The following ADAMTS19 variants were observed in gnomAD, a reference collection of about 807,000 sequenced individuals.
The protein encoded by ADAMTS19 is A disintegrin and metalloproteinase with thrombospondin motifs 19.
In ADAMTS19, 93 loss-of-function variants were observed where a neutral mutation model predicts 153.3. That is an observed-to-expected ratio of 0.61 (90% CI 0.51 to 0.72). The LOEUF (loss-of-function observed/expected upper bound fraction) is 0.72. Ranked by LOEUF, ADAMTS19 falls within the 30% of genes least tolerant of loss-of-function variation. The pLI, the probability that ADAMTS19 is intolerant of heterozygous loss-of-function variation, is 0.00. For missense variants in ADAMTS19, 1,482 were observed against 1,552.1 expected (o/e 0.95, Z 0.76); for synonymous variants, 600 against 556.6 (o/e 1.08, Z -1.10).
intron 2 of ADAMTS19, among the ~76,000 whole-genome samples, chr5:129,506,935 C>G (rs767527115): frequency 1.3e-5 from 2 of 151,608 alleles, no homozygotes; most frequent in Non-Finnish European, 2.9e-5. Flanking sequence ...CCAAATAACC[C>G]TATGAAGTTG....
chr5:129,505,129 C>T (rs778690324), intron 2 of ADAMTS19, among the ~76,000 whole-genome samples: 8 of 152,036 alleles, frequency 5.3e-5, no homozygotes, highest in Non-Finnish European at 7.4e-5. Context: ...ATTCTCAATA[C>T]GTATTTGTTC....
chr5:129,632,238 GA>G (rs1752331310), intron 10 of ADAMTS19, among the ~76,000 whole-genome samples: 1 of 151,876 alleles, frequency 6.6e-6, no homozygotes, highest in South Asian at 2.1e-4. Context: ...CTATTTTTCT[GA>G]ATCTATTTAG....
rs780500437 is a variant in ADAMTS19, at chr5:129,596,572, GA to G, written c.1387del (p.Ser463ValfsTer18). ...PCDTVGIAYL[S>X]GMCSEKRKCI... ...TGTATTTTTTAGGTATAGCTTACTTGAGTGGAATGTGTAGTGAAAAGAGAAA... is the reference window on the plus strand; with the variant it reads ...TGTATTTTTTAGGTATAGCTTACTTGGTGGAATGTGTAGTGAAAAGAGAAA... On this transcript the variant is annotated frameshift_variant, in exon 8 of 23. Transcript: ENST00000274487. LOFTEE classifies it high-confidence loss of function. 6.2e-7 allele frequency: 1 copy of G among 1,602,674 alleles called. No individual in the cohort carries two copies. Among genetic ancestry groups the G allele is most frequent in the South Asian group, 1.1e-5 (1 of 89,104 alleles).
intron 16 of ADAMTS19, among the ~76,000 whole-genome samples, chr5:129,671,253 G>T (rs764843473): frequency 6.6e-6 from 1 of 152,132 alleles, no homozygotes; most frequent in Non-Finnish European, 1.5e-5. Context: ...CATTGAAGAA[G>T]TTGAACTGAT....
intron 21 of ADAMTS19, among the ~76,000 whole-genome samples, chr5:129,710,752 T>A (rs917457802): frequency 3.3e-5 from 5 of 152,170 alleles, no homozygotes; most frequent in Non-Finnish European, 7.4e-5. Context: ...GGACATTTCT[T>A]TCCACTGAAG....
intron 3 of ADAMTS19, among the ~76,000 whole-genome samples, chr5:129,520,975 T>C (rs1008611914): frequency 7.2e-5 from 11 of 152,260 alleles, no homozygotes; most frequent in Non-Finnish European, 1.5e-4. Flanking sequence ...AGATGGTCAC[T>C]GTAGTGATAT....
intron 6 of ADAMTS19, among the ~76,000 whole-genome samples, chr5:129,545,629 GA>G (rs201656716): frequency 0.023 from 3,534 of 150,904 alleles, 127 homozygotes; most frequent in African/African-American, 0.082. Context: ...AAAAACACAT[GA>G]AAAAATGCTC....
intron 2 of ADAMTS19, among the ~76,000 whole-genome samples, chr5:129,493,734 T>C (rs746493384): frequency 1.3e-5 from 2 of 152,168 alleles, no homozygotes; most frequent in Admixed American, 6.6e-5. Flanking sequence ...TGAATAGTTA[T>C]TAATTCCTTC....
intron 21 of ADAMTS19, among the ~76,000 whole-genome samples, chr5:129,721,431 A>C (rs1488946957): frequency 1.3e-5 from 2 of 152,126 alleles, no homozygotes; most frequent in East Asian, 3.9e-4. Flanking sequence ...GAAAAACTTT[A>C]ATTTCATCAG....
chr5:129,585,655 A>G (rs921526207), intron 7 of ADAMTS19, among the ~76,000 whole-genome samples: 2 of 152,002 alleles, frequency 1.3e-5, no homozygotes, highest in Admixed American at 6.6e-5. Flanking sequence ...CCGTGTTTCA[A>G]TTTGCAATGA....
In ADAMTS19 at chr5:129,703,735, G is replaced by GA. The variant is rs199733119; in HGVS notation, c.3160-495dup. Reference sequence around the variant, plus strand: ...CGACAGAATGAGACTCCATCTCAAAGAAAAAAAAATCTGAATTTTATTTTT... The same window carrying GA: ...CGACAGAATGAGACTCCATCTCAAAGAAAAAAAAAATCTGAATTTTATTTTT... On this transcript the variant is annotated intron_variant, in intron 20 of 22. Coordinates refer to ENST00000274487, the MANE Select transcript of ADAMTS19 (RefSeq NM_133638.6). Among the ~76,000 whole-genome samples the GA allele has an allele frequency of 5.8e-3, 881 of 150,970 alleles. 3 individuals carry two copies. The highest frequency in any genetic ancestry group is 9.1e-3 in the Non-Finnish European group (614 of 67,652).
intron 5 of ADAMTS19, 73 bp from the exon 6 acceptor site, chr5:129,528,447 A>G (rs746678497): frequency 3.0e-5 from 36 of 1,192,662 alleles, no homozygotes; most frequent in Non-Finnish European, 3.9e-5. Flanking sequence ...TGCCTTTGTT[A>G]TTGTTGTTGT....
intron 3 of ADAMTS19, among the ~76,000 whole-genome samples, chr5:129,517,374 G>C (rs1350789184): frequency 6.6e-6 from 1 of 151,976 alleles, no homozygotes; most frequent in Non-Finnish European, 1.5e-5. Flanking sequence ...AGTGCTTAAA[G>C]TGGGGTGTTG....
In ADAMTS19 at chr5:129,461,964, A is replaced by G. The variant is rs764495032; in HGVS notation, c.747+207A>G. 3.9e-5 allele frequency among the ~76,000 whole-genome samples: 6 copies of G among 152,226 alleles called. No individual in the cohort carries two copies. The highest frequency in any genetic ancestry group is 7.3e-5 in the Non-Finnish European group (5 of 68,036). ...GTAAATCGGAAGTTTAATTGGGTGG[A>G]TAAATGGCCTTCTCCTTCCAGATGG... On this transcript the variant is annotated intron_variant, in intron 2 of 22. Coordinates refer to ENST00000274487, the MANE Select transcript of ADAMTS19 (RefSeq NM_133638.6). The surrounding 1 kb of genome is among the most constrained non-coding windows in gnomAD (Gnocchi z 4.6).
At chr5:129,723,070 T>A (rs1757068283) in intron 21 of ADAMTS19, among the ~76,000 whole-genome samples, 1 of 152,222 alleles carries the variant, frequency 6.6e-6, no homozygotes, top group Non-Finnish European at 1.5e-5. Context: ...GAGCCTATGT[T>A]TATCAGTAAT....
At chr5:129,612,756 G>T (rs1387898663) in intron 8 of ADAMTS19, among the ~76,000 whole-genome samples, 1 of 152,198 alleles carries the variant, frequency 6.6e-6, no homozygotes, top group South Asian at 2.1e-4. Flanking sequence ...ATTGGATAAA[G>T]AGTCAAGACC....
chr5:129,574,005 A>G (rs1303850867), intron 7 of ADAMTS19, among the ~76,000 whole-genome samples: 1 of 152,052 alleles, frequency 6.6e-6, no homozygotes, highest in East Asian at 1.9e-4. Context: ...CATTTACCCA[A>G]TGTTGTCAGT....
At position 129,461,666 on chromosome 5, in the gene ADAMTS19, C is replaced by T; in HGVS notation, c.656C>T (p.Pro219Leu). ...GGGGCAGCATCCGCCCCGCAACCTC[C>T]CGCGCCACCAGACGCAGGCTGCTTC... ...PTGAASAPQPPAPPDAGCFYT... is the reference protein window; with the variant it reads ...PTGAASAPQPLAPPDAGCFYT... Residue 219 changes from proline (P) to leucine (L), a missense_variant, in exon 2 of 23, where the codon CCC becomes CTC. Coordinates refer to ENST00000274487, the MANE Select transcript of ADAMTS19 (RefSeq NM_133638.6). The surrounding 1 kb of genome is among the most constrained non-coding windows in gnomAD (Gnocchi z 4.6). The T allele has an allele frequency of 1.3e-6, 2 of 1,584,186 alleles. No homozygotes were observed. The highest frequency in any genetic ancestry group is 2.7e-5 in the African/African-American group (2 of 73,466).
At chr5:129,608,140 A>ATATATATATATATATATATATATATATAT (rs1164899419) in intron 8 of ADAMTS19, among the ~76,000 whole-genome samples, 12 of 132,922 alleles carry the variant, frequency 9.0e-5, no homozygotes, top group Middle Eastern at 4.0e-3. Flanking sequence ...ATATATATAT[A>ATATATATATATATATATATATATATATAT]ATGGAACATT....
Sources: allele counts gnomAD v4.1 joint callset (sites outside exome capture counted in the v4.1 genomes callset), GRCh38; gene constraint gnomAD v4.1.1; non-coding constraint Gnocchi (gnomAD v3.1); transcripts MANE v1.5; gene names NCBI Gene and HGNC (gene_info 2026-07-23, HGNC 2026-07-21).